Variants in ASCC3 observed in about 807,000 individuals in gnomAD.
The protein encoded by ASCC3 is ASC-1 complex subunit P200.
Under a neutral mutation model 256.3 loss-of-function variants are expected in ASCC3, and 158 were observed. That is an observed-to-expected ratio of 0.62 (90% CI 0.54 to 0.70). The LOEUF is 0.70. Among genes scored for constraint, ASCC3 ranks in the 30% least tolerant of loss-of-function variants. The probability of loss-of-function intolerance (pLI) is 0.00; values close to 1 mark genes in which losing one functional copy is unlikely to be tolerated. For missense variants in ASCC3, 2,259 were observed against 2,626.0 expected, an observed-to-expected ratio of 0.86 and a Z score of 3.05; for synonymous variants, 948 against 883.4, an observed-to-expected ratio of 1.07 and a Z score of -1.30.
At chr6:100,582,227 G>A (rs1286523936) in intron 36 of ASCC3, among the ~76,000 whole-genome samples, 3 of 152,020 alleles carry the variant, frequency 2.0e-5, no homozygotes, top group South Asian at 4.2e-4. Flanking sequence ...AGCATGGAAT[G>A]TTCTTCCATT....
chr6:100,713,977 T>C (rs1778979814), intron 13 of ASCC3, among the ~76,000 whole-genome samples: 1 of 152,136 alleles, frequency 6.6e-6, no homozygotes, highest in African/African-American at 2.4e-5. Flanking sequence ...CTTTCAAAAG[T>C]TTCTCTAGAC....
chr6:100,672,287 C>A (rs934254065), intron 14 of ASCC3, among the ~76,000 whole-genome samples: 5 of 151,992 alleles, frequency 3.3e-5, no homozygotes, highest in Admixed American at 2.0e-4. Context: ...ACTTTTTCCT[C>A]CCTAAAAATA....
At position 100,867,330 on chromosome 6, in the gene ASCC3, T is replaced by C. The variant is rs1174174429; in HGVS notation, c.90+578A>G. Reference sequence around the variant, plus strand: ...TTACTATAAATGTCAAAGCAGTCCATGTACATTTAATTTTTGTTTCTTACT... The same window carrying C: ...TTACTATAAATGTCAAAGCAGTCCACGTACATTTAATTTTTGTTTCTTACT... On this transcript the variant is annotated intron_variant, in intron 2 of 41. Transcript: ENST00000369162. Among the ~76,000 whole-genome samples the C allele has an allele frequency of 3.3e-5, 5 of 152,212 alleles. No individual in the cohort carries two copies. In the East Asian group the frequency reaches 7.7e-4, roughly 23 times the overall value.
intron 16 of ASCC3, 68 bp from the exon 17 acceptor site, chr6:100,655,886 T>G: frequency 1.3e-6 from 2 of 1,567,062 alleles, no homozygotes; most frequent in Middle Eastern, 3.3e-4. Flanking sequence ...TCAAAGTCCA[T>G]TCTGTCAGAG....
chr6:100,748,229 G>C (rs1226171635), intron 10 of ASCC3, among the ~76,000 whole-genome samples: 2 of 151,740 alleles, frequency 1.3e-5, no homozygotes, highest in African/African-American at 4.8e-5. Flanking sequence ...TGAATTGTAA[G>C]AGCCAGGCCT....
At chr6:100,688,714 G>A (rs1465165762) in intron 13 of ASCC3, among the ~76,000 whole-genome samples, 2 of 152,076 alleles carry the variant, frequency 1.3e-5, no homozygotes, top group Admixed American at 1.3e-4. Flanking sequence ...CAACAATTAC[G>A]TGACAGGCAC....
At chr6:100,705,765 A>G (rs1434176518) in intron 13 of ASCC3, among the ~76,000 whole-genome samples, 2 of 152,004 alleles carry the variant, frequency 1.3e-5, no homozygotes, top group South Asian at 4.1e-4. Context: ...TGTATTACTA[A>G]AACTGCCAAG....
chr6:100,766,197 G>A (rs1781647950), intron 10 of ASCC3, among the ~76,000 whole-genome samples: 1 of 152,066 alleles, frequency 6.6e-6, no homozygotes, highest in Admixed American at 6.6e-5. Flanking sequence ...CATTCTTATG[G>A]AATAGTTTGG....
intron 37 of ASCC3, among the ~76,000 whole-genome samples, chr6:100,532,380 A>ATG (rs1391590298): frequency 8.7e-5 from 6 of 68,692 alleles, no homozygotes; most frequent in African/African-American, 3.0e-4. Flanking sequence ...GTATGTGTGT[A>ATG]TATATATATA....
rs1486223986 is a variant in ASCC3 at position 100,668,561 on chromosome 6, TAAACTG to T, written c.2287-6031_2287-6026del. ...CTCTAGAGGACAGAAACAGAACACT[TAAACTG>T]ATTCTACAAGCGAATATAATGGCAC... On this transcript the variant is annotated intron_variant, in intron 14 of 41. Coordinates refer to ENST00000369162, the MANE Select transcript of ASCC3 (RefSeq NM_006828.4). Among the ~76,000 whole-genome samples the T allele has an allele frequency of 2.0e-5, 3 of 152,014 alleles. No homozygotes were observed. The East Asian group carries it at 5.8e-4, about 29-fold the overall frequency.
intron 16 of ASCC3, among the ~76,000 whole-genome samples, 197 bp from the exon 17 acceptor site, chr6:100,656,015 C>T (rs1225321672): frequency 2.6e-5 from 4 of 151,710 alleles, no homozygotes; most frequent in African/African-American, 7.2e-5. Flanking sequence ...GAGAATGATA[C>T]ATGAGAAATG....
chr6:100,521,208 G>A (rs1582380700), intron 37 of ASCC3, among the ~76,000 whole-genome samples: 1 of 152,178 alleles, frequency 6.6e-6, no homozygotes, highest in South Asian at 2.1e-4. Context: ...TATATTCTAA[G>A]ACCCTAACTT....
At position 100,828,412 on chromosome 6, in the gene ASCC3, C is replaced by T. The variant is rs190965359; in HGVS notation, c.801+19736G>A. ...AAGACTTCCAGTGGGTGTCTGAAAA[C>T]TGCAGAATATCAAACCCTATATATA... is the stretch of plus-strand genomic sequence containing the variant. On this transcript the variant is annotated intron_variant, in intron 4 of 41. Coordinates refer to ENST00000369162, the MANE Select transcript of ASCC3 (RefSeq NM_006828.4). 3.3e-5 allele frequency among the ~76,000 whole-genome samples: 5 copies of T among 152,250 alleles called. No individual in the cohort carries two copies. The East Asian group carries it at 9.7e-4, about 29-fold the overall frequency.
chr6:100,839,087 T>C (rs1431891801), intron 4 of ASCC3, among the ~76,000 whole-genome samples: 3 of 152,118 alleles, frequency 2.0e-5, no homozygotes, highest in African/African-American at 7.2e-5. Flanking sequence ...ATATATTACA[T>C]GTAACTCTCC....
Position 100,509,676 on chromosome 6 carries a change from G to A in ASCC3, c.6462-143C>T, listed in dbSNP as rs899634938. ...AGCACTTTGGGAGGCCGAGGCGGGC[G>A]GATCACGAGGTCAGGAGATGGAGAC... On this transcript the variant is annotated intron_variant, in intron 41 of 41. Transcript: ENST00000369162. 112 of 868,816 alleles carry A rather than the reference G, an allele frequency of 1.3e-4. 1 individual carries two copies. Among genetic ancestry groups the A allele is most frequent in the Non-Finnish European group, 1.7e-4 (93 of 554,236 alleles). The allele number at this position is 868,816 out of a possible 1,614,324, so 53.8% of individuals were successfully genotyped here. A position where few individuals can be genotyped will look rare whatever the true frequency, so the allele number is the denominator to read the frequency against.
intron 14 of ASCC3, among the ~76,000 whole-genome samples, chr6:100,677,759 GA>G (rs11363096): frequency 0.084 from 12,130 of 143,856 alleles, 1,056 homozygotes; most frequent in East Asian, 0.31. Flanking sequence ...CATTCTTCTT[GA>G]AAAAAAAAAG....
chr6:100,786,314 C>T (rs939003757), intron 8 of ASCC3, among the ~76,000 whole-genome samples: 3 of 152,158 alleles, frequency 2.0e-5, no homozygotes, highest in South Asian at 2.1e-4. Flanking sequence ...AGATATAATG[C>T]GGATGGAAAT....
chr6:100,581,612 C>A (rs1308810420), intron 36 of ASCC3, among the ~76,000 whole-genome samples: 2 of 151,824 alleles, frequency 1.3e-5, no homozygotes, highest in African/African-American at 4.8e-5. Context: ...TCAATTTTGT[C>A]TTTTGTTGCC....
rs530326162 is a variant in ASCC3 at position 100,874,464 on chromosome 6, C to CAAAAAAAAAAAAAAAAAAAAAAA, written c.-41-6427_-41-6426insTTTTTTTTTTTTTTTTTTTTTTT. Among the ~76,000 whole-genome samples the CAAAAAAAAAAAAAAAAAAAAAAA allele has an allele frequency of 2.6e-5, 2 of 77,622 alleles. 1 individual carries two copies. The highest frequency in any genetic ancestry group is 1.1e-4 in the African/African-American group (2 of 18,892). 50.9% of individuals were successfully genotyped at this position (77,622 alleles called of 152,430 possible). Reference sequence around the variant, plus strand: ...CTGGCAACAGAGCAAGACTCTGTCTCAAAAAAAAAAAAAAAAAAAAAACAA... The same window carrying CAAAAAAAAAAAAAAAAAAAAAAA: ...CTGGCAACAGAGCAAGACTCTGTCTCAAAAAAAAAAAAAAAAAAAAAAAAAAAAAAAAAAAAAAAAAAAAACAA... On this transcript the variant is annotated intron_variant, in intron 1 of 41. Transcript: ENST00000369162.
Sources: allele counts gnomAD v4.1 joint callset (sites outside exome capture counted in the v4.1 genomes callset), GRCh38; gene constraint gnomAD v4.1.1; transcripts MANE v1.5; gene names NCBI Gene and HGNC (gene_info 2026-07-23, HGNC 2026-07-21).